NFATC3: variants seen among roughly 807,000 people sequenced by gnomAD.
The protein encoded by NFATC3 is nuclear factor of activated T cells 3, also known as nuclear factor of activated T-cells, cytoplasmic 3.
Under a neutral mutation model 98.6 loss-of-function variants are expected in NFATC3, and 46 were observed. That is an observed-to-expected ratio of 0.47 (90% CI 0.37 to 0.60). The LOEUF (loss-of-function observed/expected upper bound fraction) is 0.60, where lower values mean the gene tolerates loss of function less well. Ranked by LOEUF, NFATC3 falls within the 20% of genes least tolerant of loss-of-function variation. The pLI is 0.00. For synonymous variants in NFATC3, 512 were observed against 472.2 expected, an observed-to-expected ratio of 1.08 and a Z score of -1.09; for missense variants, 1,256 against 1,295.5, an observed-to-expected ratio of 0.97 and a Z score of 0.47.
At chr16:68,167,834 TTTTTTTTTTTTTTTTG>T (rs1869909026) in intron 5 of NFATC3, among the ~76,000 whole-genome samples, 2 of 106,072 alleles carry the variant, frequency 1.9e-5, no homozygotes, top group African/African-American at 8.9e-5. Flanking sequence ...TTTTTTTTTT[TTTTTTTTTTTTTTTTG>T]AGACGGAGAT....
chr16:68,117,343 A>G (rs938770641), intron 1 of NFATC3, among the ~76,000 whole-genome samples: 10 of 152,168 alleles, frequency 6.6e-5, no homozygotes, highest in Non-Finnish European at 1.3e-4. Context: ...AATTTATATC[A>G]GATCATATAT....
rs1404629844 is a variant in NFATC3, at chr16:68,144,326, C to T, written c.1402-13543C>T. 3.3e-5 allele frequency among the ~76,000 whole-genome samples: 5 copies of T among 152,018 alleles called. No homozygotes were observed. The East Asian group carries it at 9.6e-4, about 29-fold the overall frequency. ...CAGAAACTGGATGCTTCATAAACTGCTAGTGAGAGTTAAAATGATACAGCC... is the reference window on the plus strand; with the variant it reads ...CAGAAACTGGATGCTTCATAAACTGTTAGTGAGAGTTAAAATGATACAGCC... On this transcript the variant is annotated intron_variant, in intron 3 of 9. Transcript: ENST00000346183.
intron 1 of NFATC3, among the ~76,000 whole-genome samples, chr16:68,106,827 T>C (rs2035686715): frequency 6.6e-6 from 1 of 151,952 alleles, no homozygotes. Flanking sequence ...ATGTGTGCCA[T>C]GGTAGTTTGC....
At chr16:68,157,618 C>T (rs530420779) in intron 3 of NFATC3, among the ~76,000 whole-genome samples, 1 of 152,098 alleles carries the variant, frequency 6.6e-6, no homozygotes, top group South Asian at 2.1e-4. Flanking sequence ...TTTGGTCGAT[C>T]TAGATATTTA....
intron 3 of NFATC3, among the ~76,000 whole-genome samples, chr16:68,130,410 T>G (rs2037056769): frequency 6.6e-6 from 1 of 152,194 alleles, no homozygotes; most frequent in African/African-American, 2.4e-5. Flanking sequence ...TTAGTGATGT[T>G]GAGCATTTTT....
chr16:68,163,807 G>A (rs1401129265), intron 4 of NFATC3, among the ~76,000 whole-genome samples: 6 of 151,266 alleles, frequency 4.0e-5, no homozygotes, highest in South Asian at 2.1e-4. Context: ...GACGATGGGC[G>A]GCCGGGCAGA....
intron 9 of NFATC3, among the ~76,000 whole-genome samples, chr16:68,193,879 G>A (rs371618831): frequency 6.8e-5 from 10 of 147,106 alleles, no homozygotes; most frequent in African/African-American, 2.0e-4. Context: ...AGAAGGGTAT[G>A]TTTGTCAGGG....
intron 5 of NFATC3, among the ~76,000 whole-genome samples, chr16:68,173,477 G>GAATC (rs995198401): frequency 1.3e-5 from 2 of 152,120 alleles, no homozygotes; most frequent in African/African-American, 4.8e-5. Flanking sequence ...TGAGGCAGGA[G>GAATC]AATCACTTGA....
intron 8 of NFATC3, among the ~76,000 whole-genome samples, chr16:68,184,680 T>C (rs1178574076): frequency 6.6e-6 from 1 of 151,974 alleles, no homozygotes; most frequent in Non-Finnish European, 1.5e-5. Flanking sequence ...GGCGGGCGCC[T>C]GTAGTCCCAG....
At chr16:68,164,879 A>C (rs1014573915) in intron 4 of NFATC3, among the ~76,000 whole-genome samples, 4 of 152,238 alleles carry the variant, frequency 2.6e-5, no homozygotes, top group Non-Finnish European at 4.4e-5. Flanking sequence ...ACTCAGTCTC[A>C]AAAAAATTTA....
intron 9 of NFATC3, among the ~76,000 whole-genome samples, chr16:68,202,454 G>A (rs539380923): frequency 6.6e-6 from 1 of 152,326 alleles, no homozygotes; most frequent in Non-Finnish European, 1.5e-5. Context: ...GGAACAGAGA[G>A]GTTAGTATTG....
Position 68,191,204 on chromosome 16 carries a change from C to T in NFATC3, c.2535C>T (p.Gly845=). ...DATLSGLVNL[G]CQPLSSIPFH... The stretch of plus-strand genomic sequence containing the variant: ...CTCTTTCTGGTTTAGTGAATCTTGG[C>T]TGTCAACCACTGTCATCCATACCAT... The change falls in exon 9 of 10, where the codon GGC becomes GGT. Residue 845 remains glycine (G), a synonymous_variant. Coordinates refer to ENST00000346183, the MANE Select transcript of NFATC3 (RefSeq NM_173165.3). 6 of 1,614,176 alleles carry T rather than the reference C, an allele frequency of 3.7e-6. No individual in the cohort carries two copies. Among genetic ancestry groups the T allele is most frequent in the Non-Finnish European group, 5.1e-6 (6 of 1,180,034 alleles).
At position 68,221,301 on chromosome 16, in the gene NFATC3, A is replaced by C. The variant is rs200103211; in HGVS notation, c.3107-5049A>C. The C allele has an allele frequency of 2.5e-5, 40 of 1,613,350 alleles. No homozygotes were observed. In the African/African-American group the frequency reaches 4.7e-4, roughly 19 times the overall value. ...AATCTAGAGGTGAGAGCCTGAACCC[A>C]GAGCCCCCAGCCCGAGGGAGAAGTG... On this transcript the variant is annotated intron_variant, in intron 9 of 9. Transcript: ENST00000346183.
chr16:68,137,003 G>A (rs1359576851), intron 3 of NFATC3, among the ~76,000 whole-genome samples: 1 of 152,206 alleles, frequency 6.6e-6, no homozygotes, highest in Non-Finnish European at 1.5e-5. Context: ...TGAGTGAATA[G>A]TGAATGAATA....
At chr16:68,197,659 C>T (rs750068573) in intron 9 of NFATC3, among the ~76,000 whole-genome samples, 7 of 152,198 alleles carry the variant, frequency 4.6e-5, no homozygotes, top group Admixed American at 2.6e-4. Context: ...TGTAGTTAGC[C>T]GAAGCTCAAT....
chr16:68,157,985 C>A lies in NFATC3; in HGVS notation c.1518C>A (p.Val506=). 1 of 1,613,908 alleles carries A rather than the reference C, an allele frequency of 6.2e-7. No homozygotes were observed. The highest frequency in any genetic ancestry group is 8.5e-7 in the Non-Finnish European group (1 of 1,179,904). Residue 506 remains valine (V), a synonymous_variant, in exon 4 of 10, where the codon GTC becomes GTA. Transcript: ENST00000346183. ...TGCATCGAATCACTGGGAAGACAGT[C>A]GCTACTGCAAGCCAAGAGATAATAA... ...YQVHRITGKT[V]ATASQEIIIA... is the part of the protein sequence containing the mutation.
At chr16:68,086,548 A>C (rs1486555895) in intron 1 of NFATC3, 1 of 665,238 alleles carries the variant, frequency 1.5e-6, no homozygotes, top group Admixed American at 6.3e-5. Flanking sequence ...ATCAGGAAAT[A>C]GAAACAGGAT....
chr16:68,204,542 G>A (rs1045034025), intron 9 of NFATC3, among the ~76,000 whole-genome samples: 2 of 152,146 alleles, frequency 1.3e-5, no homozygotes, highest in African/African-American at 4.8e-5. Context: ...GCACATCCCA[G>A]CGTTATATGG....
At chr16:68,171,223 G>A (rs2039444206) in intron 5 of NFATC3, among the ~76,000 whole-genome samples, 1 of 151,600 alleles carries the variant, frequency 6.6e-6, no homozygotes, top group African/African-American at 2.4e-5. Context: ...TGGCCAGGTT[G>A]ATCTTGAACT....
Sources: allele counts gnomAD v4.1 joint callset (sites outside exome capture counted in the v4.1 genomes callset), GRCh38; gene constraint gnomAD v4.1.1; transcripts MANE v1.5; gene names NCBI Gene and HGNC (gene_info 2026-07-23, HGNC 2026-07-21).